Variants in MCU observed in about 807,000 individuals in gnomAD.
MCU encodes the protein mitochondrial calcium uniporter.
MCU carries 12 observed loss-of-function variants against 45.2 expected under a neutral mutation model. The ratio of observed to expected loss-of-function variants is 0.27; its 90% CI spans 0.17 to 0.43. MCU has a LOEUF of 0.43. Among genes scored for constraint, MCU ranks in the 20% least tolerant of loss-of-function variants. MCU has a pLI of 1.00. For missense variants in MCU, 324 were observed against 436.7 expected (o/e 0.74, Z 2.30); for synonymous variants, 160 against 165.1 (o/e 0.97, Z 0.24).
rs375373722 is a variant in MCU at position 72,805,178 on chromosome 10, T to TTTCCTTCCTTCC, written c.151-29166_151-29155dup. On this transcript the variant is annotated intron_variant, in intron 1 of 7. Transcript: ENST00000373053. ...TTCTTTCTGTCTCTCTCTCTCTCTC[T>TTTCCTTCCTTCC]TTCCTTCCTTCCTTCCTTCCTTCCT... is the stretch of plus-strand genomic sequence containing the variant. 1.0e-3 allele frequency among the ~76,000 whole-genome samples: 146 copies of TTTCCTTCCTTCC among 140,436 alleles called. 1 individual carries two copies. Among genetic ancestry groups the TTTCCTTCCTTCC allele is most frequent in the African/African-American group, 4.4e-3 (141 of 32,324 alleles). The allele number at this position is 140,436 out of a possible 152,430, so 92.1% of individuals were successfully genotyped here. A position where few individuals can be genotyped will look rare whatever the true frequency, so the allele number is the denominator to read the frequency against.
At chr10:72,795,438 A>G (rs545267213) in intron 1 of MCU, among the ~76,000 whole-genome samples, 1 of 152,228 alleles carries the variant, frequency 6.6e-6, no homozygotes, top group East Asian at 1.9e-4. Flanking sequence ...AATTTTAGAA[A>G]CTTTTCCATT....
At chr10:72,832,131 A>G (rs1031365364) in intron 1 of MCU, among the ~76,000 whole-genome samples, 1 of 152,136 alleles carries the variant, frequency 6.6e-6, no homozygotes, top group Non-Finnish European at 1.5e-5. Flanking sequence ...CAACGGCACG[A>G]TCATAGATCA....
intron 2 of MCU, among the ~76,000 whole-genome samples, chr10:72,846,065 G>A (rs2132850557): frequency 6.6e-6 from 1 of 151,230 alleles, no homozygotes; most frequent in African/African-American, 2.4e-5. Context: ...TTTTTTTTGA[G>A]ACAGAGTCTT....
At chr10:72,810,531 A>G (rs1033785912) in intron 1 of MCU, among the ~76,000 whole-genome samples, 13 of 137,274 alleles carry the variant, frequency 9.5e-5, no homozygotes, top group African/African-American at 3.6e-4. Context: ...TCAGTGGTGC[A>G]ATCTCGGCTC....
chr10:72,735,263 T>G (rs949391042), intron 1 of MCU, among the ~76,000 whole-genome samples: 1 of 151,776 alleles, frequency 6.6e-6, no homozygotes, highest in African/African-American at 2.4e-5. Context: ...GTGTGTTGGG[T>G]TTTTTTTCAG....
At chr10:72,725,377 C>T (rs1209156039) in intron 1 of MCU, among the ~76,000 whole-genome samples, 1 of 152,024 alleles carries the variant, frequency 6.6e-6, no homozygotes, top group Non-Finnish European at 1.5e-5. Flanking sequence ...CCGCTTGCCT[C>T]AGCATCCCAA....
intron 1 of MCU, among the ~76,000 whole-genome samples, chr10:72,747,710 G>A (rs1044424950): frequency 2.0e-5 from 3 of 151,938 alleles, no homozygotes; most frequent in Non-Finnish European, 4.4e-5. Flanking sequence ...GGTGACGTAC[G>A]CCTGTGGTCC....
chr10:72,695,051 C>T (rs1385119076), intron 1 of MCU, among the ~76,000 whole-genome samples: 1 of 152,048 alleles, frequency 6.6e-6, no homozygotes, highest in Non-Finnish European at 1.5e-5. Context: ...TGTTTGTTGC[C>T]TGCTTTTCTG....
intron 6 of MCU, among the ~76,000 whole-genome samples, chr10:72,877,894 C>T (rs1486704195): frequency 6.6e-6 from 1 of 151,960 alleles, no homozygotes; most frequent in South Asian, 2.1e-4. Flanking sequence ...TAAAGGCTAC[C>T]ATTGTAGAAT....
chr10:72,807,770 G>C (rs749374187), intron 1 of MCU, among the ~76,000 whole-genome samples: 2 of 151,994 alleles, frequency 1.3e-5, no homozygotes, highest in Non-Finnish European at 2.9e-5. Context: ...ACTGAGAATT[G>C]TTTTCCTTTT....
At chr10:72,747,612 G>A (rs940182533) in intron 1 of MCU, among the ~76,000 whole-genome samples, 3 of 152,068 alleles carry the variant, frequency 2.0e-5, no homozygotes, top group Non-Finnish European at 4.4e-5. Context: ...CAGGAGGATC[G>A]CTTGAGCCCT....
intron 5 of MCU, 82 bp downstream of exon 5, chr10:72,868,945 T>C (rs1845499799): frequency 1.4e-6 from 2 of 1,401,850 alleles, no homozygotes; most frequent in Non-Finnish European, 9.7e-7. Context: ...CTTGTAAGTT[T>C]TATGCAATTG....
chr10:72,763,723 G>A (rs1457740924), intron 1 of MCU, among the ~76,000 whole-genome samples: 1 of 152,124 alleles, frequency 6.6e-6, no homozygotes, highest in Non-Finnish European at 1.5e-5. Context: ...ATCATATTCA[G>A]CTGTCTGGAG....
chr10:72,806,375 G>A (rs1844451297), intron 1 of MCU, among the ~76,000 whole-genome samples: 1 of 152,076 alleles, frequency 6.6e-6, no homozygotes, highest in African/African-American at 2.4e-5. Flanking sequence ...GGTCAGGCTG[G>A]TCTTGAAGTC....
At chr10:72,845,663 T>A (rs1460330445) in intron 2 of MCU, among the ~76,000 whole-genome samples, 1 of 152,186 alleles carries the variant, frequency 6.6e-6, no homozygotes, top group Non-Finnish European at 1.5e-5. Context: ...GGCTATACCT[T>A]CTAGGTTTTG....
chr10:72,763,503 C>T (rs1217755490), intron 1 of MCU, among the ~76,000 whole-genome samples: 2 of 151,994 alleles, frequency 1.3e-5, no homozygotes, highest in Non-Finnish European at 2.9e-5. Context: ...TGGGTTTTAA[C>T]ATTAATTTTT....
At chr10:72,858,434 A>G (rs916649506) in intron 2 of MCU, among the ~76,000 whole-genome samples, 1 of 152,166 alleles carries the variant, frequency 6.6e-6, no homozygotes, top group African/African-American at 2.4e-5. Flanking sequence ...TGTCAGGCAA[A>G]AAAAAGGGGC....
chr10:72,755,985 C>A (rs867671436), intron 1 of MCU, among the ~76,000 whole-genome samples: 1 of 151,842 alleles, frequency 6.6e-6, no homozygotes. Flanking sequence ...CTGGGACTAC[C>A]GGTGTGCACC....
chr10:72,823,113 A>C (rs1431868663), intron 1 of MCU, among the ~76,000 whole-genome samples: 1 of 152,222 alleles, frequency 6.6e-6, no homozygotes, highest in Non-Finnish European at 1.5e-5. Flanking sequence ...GAAACAACCC[A>C]AATGGTCATT....
Sources: allele counts gnomAD v4.1 joint callset (sites outside exome capture counted in the v4.1 genomes callset), GRCh38; gene constraint gnomAD v4.1.1; transcripts MANE v1.5; gene names NCBI Gene and HGNC (gene_info 2026-07-23, HGNC 2026-07-21).